The following ZYG11B variants were observed in gnomAD, a reference collection of about 807,000 sequenced individuals.
ZYG11B encodes the protein protein zyg-11 homolog B.
ZYG11B carries 36 observed loss-of-function variants against 82.4 expected under a neutral mutation model. The ratio of observed to expected loss-of-function variants is 0.44; its 90% CI spans 0.33 to 0.58. ZYG11B has a LOEUF of 0.58. ZYG11B is among the 20% of genes least tolerant of loss of function. ZYG11B has a pLI of 0.02. For synonymous variants in ZYG11B, 303 were observed against 312.8 expected (o/e 0.97, Z 0.33); for missense variants, 552 against 895.6 (o/e 0.62, Z 4.90).
At chr1:52,795,079 G>A (rs1315498303) in intron 6 of ZYG11B, among the ~76,000 whole-genome samples, 2 of 152,104 alleles carry the variant, frequency 1.3e-5, no homozygotes, top group Non-Finnish European at 2.9e-5. Flanking sequence ...GCCCTGTGAC[G>A]CCACCCAAAT....
At chr1:52,784,139 G>A (rs1644893109) in intron 4 of ZYG11B, among the ~76,000 whole-genome samples, 2 of 152,116 alleles carry the variant, frequency 1.3e-5, no homozygotes, top group African/African-American at 2.4e-5. Flanking sequence ...TTACAGGCAC[G>A]TGCCACCATG....
chr1:52,753,424 C>CTT lies in ZYG11B; in HGVS notation c.31-3020_31-3019dup, dbSNP rs3082846. 8.1e-4 allele frequency among the ~76,000 whole-genome samples: 111 copies of CTT among 137,230 alleles called. 3 individuals carry two copies. The highest frequency in any genetic ancestry group is 3.7e-3 in the Middle Eastern group (1 of 272). 90.0% of individuals were successfully genotyped at this position (137,230 alleles called of 152,430 possible). A position where few individuals can be genotyped will look rare whatever the true frequency, so the allele number is the denominator to read the frequency against. On this transcript the variant is annotated intron_variant, in intron 1 of 13. Coordinates refer to ENST00000294353, the MANE Select transcript of ZYG11B (RefSeq NM_024646.3). ...TCTTCTGGTTGTTGTTGTTGTTGTT[C>CTT]TTTTTTTTTTTTTTTGACAGAGTCT...
intron 3 of ZYG11B, among the ~76,000 whole-genome samples, chr1:52,776,229 A>AAAAATATATATATATATATATATATAT: frequency 3.4e-4 from 8 of 23,538 alleles, no homozygotes; most frequent in Admixed American, 8.1e-4. Context: ...TAAAAAAAAA[A>AAAAATATATATATATATATATATATAT]ATATATATAT....
chr1:52,808,742 G>A (rs1301383256), intron 10 of ZYG11B, among the ~76,000 whole-genome samples: 3 of 152,156 alleles, frequency 2.0e-5, no homozygotes, highest in Non-Finnish European at 4.4e-5. Flanking sequence ...CACATGTTAA[G>A]CTGCTTGACA....
chr1:52,739,081 G>A (rs1044602175), intron 1 of ZYG11B, among the ~76,000 whole-genome samples: 6 of 139,158 alleles, frequency 4.3e-5, no homozygotes, highest in African/African-American at 1.4e-4. Flanking sequence ...TCCGCCTCCC[G>A]GGGTCAAGCG....
intron 2 of ZYG11B, 123 bp from the exon 3 acceptor site, chr1:52,770,895 ATG>A: frequency 3.7e-6 from 4 of 1,090,752 alleles, no homozygotes; most frequent in Non-Finnish European, 3.9e-6. Flanking sequence ...TCTCACCTAA[ATG>A]AATTGTGATT....
chr1:52,731,783 C>G (rs79591612), intron 1 of ZYG11B, among the ~76,000 whole-genome samples: 2,354 of 152,202 alleles, frequency 0.015, 28 homozygotes, highest in Non-Finnish European at 0.024. Context: ...GATGGTTAAG[C>G]AGCAACACTA....
intron 2 of ZYG11B, among the ~76,000 whole-genome samples, chr1:52,768,019 T>C (rs1644712932): frequency 6.6e-6 from 1 of 152,190 alleles, no homozygotes; most frequent in African/African-American, 2.4e-5. Context: ...ACCTCCCCTG[T>C]GGGCAGATTG....
Position 52,821,634 on chromosome 1 carries a change from C to T in ZYG11B, c.*5C>T. 1.9e-6 allele frequency: 3 copies of T among 1,608,740 alleles called. No individual in the cohort carries two copies. Among genetic ancestry groups the T allele is most frequent in the South Asian group, 1.1e-5 (1 of 90,342 alleles). On this transcript the variant is annotated 3_prime_UTR_variant, in exon 14 of 14. Coordinates refer to ENST00000294353, the MANE Select transcript of ZYG11B (RefSeq NM_024646.3). ...CCCCAAGCCAGACTAAATTGATAGC[C>T]ATAAGTATTGGATAGTTGAATCACA...
At chr1:52,773,469 G>T (rs1408118992) in intron 3 of ZYG11B, among the ~76,000 whole-genome samples, 2 of 135,666 alleles carry the variant, frequency 1.5e-5, no homozygotes. Flanking sequence ...GTGAGACTCC[G>T]TCTCAGAAAA....
chr1:52,759,917 G>A (rs972208906), intron 2 of ZYG11B, among the ~76,000 whole-genome samples: 1 of 152,054 alleles, frequency 6.6e-6, no homozygotes, highest in African/African-American at 2.4e-5. Context: ...TACAACCTCT[G>A]CTTCCCAGGT....
chr1:52,749,202 C>A, intron 1 of ZYG11B, among the ~76,000 whole-genome samples: 1 of 151,670 alleles, frequency 6.6e-6, no homozygotes, highest in Non-Finnish European at 1.5e-5. Flanking sequence ...AAACTATCTC[C>A]AAAAAAATAA....
chr1:52,731,412 G>A (rs1218497397), intron 1 of ZYG11B, among the ~76,000 whole-genome samples: 1 of 152,124 alleles, frequency 6.6e-6, no homozygotes, highest in African/African-American at 2.4e-5. Flanking sequence ...GGGAAACGCT[G>A]TCCAAAAAAC....
At chr1:52,790,598 G>A (rs1644947906) in intron 6 of ZYG11B, among the ~76,000 whole-genome samples, 1 of 151,598 alleles carries the variant, frequency 6.6e-6, no homozygotes, top group South Asian at 2.1e-4. Context: ...GCGCACGCCT[G>A]GAATCCCAGC....
In ZYG11B at chr1:52,749,127, C is replaced by T. The variant is rs985156166; in HGVS notation, c.31-7331C>T. ...CTGAGGCAGGAGAATCGCTTGAACC[C>T]GGGAGGTGGAGGTTGCAGTGAGCCG... On this transcript the variant is annotated intron_variant, in intron 1 of 13. Coordinates refer to ENST00000294353, the MANE Select transcript of ZYG11B (RefSeq NM_024646.3). 6.0e-5 allele frequency among the ~76,000 whole-genome samples: 9 copies of T among 149,994 alleles called. No homozygotes were observed. In the East Asian group the frequency reaches 8.0e-4, roughly 13 times the overall value.
rs1571776209 is a variant in ZYG11B at position 52,783,893 on chromosome 1, C to CACGTGTGTGTATATGTACATAT, written c.1093-970_1093-969insGTACATATACGTGTGTGTATAT. On this transcript the variant is annotated intron_variant, in intron 4 of 13. Transcript: ENST00000294353. The stretch of plus-strand genomic sequence containing the variant: ...ATACACGTGTGTGTATATGTACATA[C>CACGTGTGTGTATATGTACATAT]ACGTGTGTGTATATACATCTATACA... Among the ~76,000 whole-genome samples, 45 of 81,956 alleles carry CACGTGTGTGTATATGTACATAT rather than the reference C, an allele frequency of 5.5e-4. No individual in the cohort carries two copies. In the East Asian group the frequency reaches 0.02, roughly 37 times the overall value. The allele number at this position is 81,956 out of a possible 152,430, so 53.8% of individuals were successfully genotyped here. A position where few individuals can be genotyped will look rare whatever the true frequency, so the allele number is the denominator to read the frequency against.
At chr1:52,805,433 A>G (rs1462822984) in intron 10 of ZYG11B, 13 of 455,644 alleles carry the variant, frequency 2.9e-5, no homozygotes, top group South Asian at 2.0e-4. Flanking sequence ...TAATAGAGGA[A>G]TTATTAAATA....
intron 1 of ZYG11B, among the ~76,000 whole-genome samples, chr1:52,738,605 A>C (rs1029299411): frequency 1.4e-5 from 2 of 140,534 alleles, no homozygotes; most frequent in African/African-American, 5.7e-5. Context: ...TTTTCTAAGG[A>C]CTTTTTTTTT....
In ZYG11B at chr1:52,802,147, A is replaced by G. The variant is rs563266262; in HGVS notation, c.1695+8A>G. ...AAAGTTCTAGGACTTTTGGTAAGAT[A>G]TAAGCACTTCCTGCTAAGTTCCAAG... On this transcript the variant is annotated splice_region_variant and intron_variant, in intron 10 of 13. Transcript: ENST00000294353. The G allele has an allele frequency of 3.1e-6, 5 of 1,608,078 alleles. No homozygotes were observed. Among genetic ancestry groups the G allele is most frequent in the Middle Eastern group, 1.7e-4 (1 of 6,030 alleles).
Sources: gnomAD v4.1 joint callset for allele counts (sites outside exome capture counted in the v4.1 genomes callset) on GRCh38, gnomAD v4.1.1 for gene constraint, MANE v1.5 for transcripts, NCBI Gene and HGNC (gene_info 2026-07-23, HGNC 2026-07-21) for gene names.